ADAMTS3: variants seen among roughly 807,000 people sequenced by gnomAD.
The protein encoded by ADAMTS3 is A disintegrin and metalloproteinase with thrombospondin motifs 3.
In ADAMTS3, 73 loss-of-function variants were observed where a neutral mutation model predicts 129.0. That is an observed-to-expected ratio of 0.57 (90% CI 0.47 to 0.69). The LOEUF (loss-of-function observed/expected upper bound fraction) is 0.69, where lower values mean the gene tolerates loss of function less well. Ranked by LOEUF, ADAMTS3 falls within the 30% of genes least tolerant of loss-of-function variation. ADAMTS3 has a pLI of 0.00. For missense variants in ADAMTS3, 1,457 were observed against 1,514.5 expected, an observed-to-expected ratio of 0.96 and a Z score of 0.63; for synonymous variants, 477 against 510.8, an observed-to-expected ratio of 0.93 and a Z score of 0.89.
intron 3 of ADAMTS3, among the ~76,000 whole-genome samples, chr4:72,502,473 T>G (rs879020576): frequency 2.0e-5 from 3 of 152,166 alleles, no homozygotes; most frequent in Non-Finnish European, 4.4e-5. Flanking sequence ...CTTTGCCATT[T>G]TTTATTGTGC....
At chr4:72,299,080 T>C (rs1034872757) in intron 17 of ADAMTS3, among the ~76,000 whole-genome samples, 1 of 151,412 alleles carries the variant, frequency 6.6e-6, no homozygotes, top group East Asian at 1.9e-4. Flanking sequence ...TGTGTGTGTG[T>C]GTGTGTGTGT....
At chr4:72,328,301 A>G (rs899236006) in intron 5 of ADAMTS3, among the ~76,000 whole-genome samples, 6 of 152,230 alleles carry the variant, frequency 3.9e-5, no homozygotes, top group Admixed American at 2.6e-4. Context: ...CAAATCAAGT[A>G]TTCCTTTCCT....
chr4:72,470,361 T>TTATATATATATATATA lies in ADAMTS3; in HGVS notation c.505-55406_505-55391dup, dbSNP rs143241307. 8.7e-3 allele frequency among the ~76,000 whole-genome samples: 1,010 copies of TTATATATATATATATA among 116,232 alleles called. 5 individuals carry two copies. Among genetic ancestry groups the TTATATATATATATATA allele is most frequent in the Non-Finnish European group, 0.011 (622 of 55,070 alleles). The allele number at this position is 116,232 out of a possible 152,430, so 76.3% of individuals were successfully genotyped here. A position where few individuals can be genotyped will look rare whatever the true frequency, so the allele number is the denominator to read the frequency against. ...GTCATTTTCTGAAATTATTTTAAGTTTATATATATATATATACACACACAC... is the reference window on the plus strand; with the variant it reads ...GTCATTTTCTGAAATTATTTTAAGTTTATATATATATATATATATATATATATATATACACACACAC... On this transcript the variant is annotated intron_variant, in intron 3 of 21. Coordinates refer to ENST00000286657, the MANE Select transcript of ADAMTS3 (RefSeq NM_014243.3).
At chr4:72,541,277 C>G (rs1578779034) in intron 3 of ADAMTS3, among the ~76,000 whole-genome samples, 2 of 152,270 alleles carry the variant, frequency 1.3e-5, no homozygotes, top group Non-Finnish European at 2.9e-5. Context: ...CCTGTAGCCC[C>G]TTTGTTTTGG....
intron 4 of ADAMTS3, among the ~76,000 whole-genome samples, chr4:72,402,214 T>A (rs1309165804): frequency 6.6e-6 from 1 of 152,190 alleles, no homozygotes; most frequent in Non-Finnish European, 1.5e-5. Flanking sequence ...TCTTTGAATA[T>A]TCACATGAAG....
intron 3 of ADAMTS3, among the ~76,000 whole-genome samples, chr4:72,469,549 C>G (rs932303746): frequency 6.6e-6 from 1 of 152,130 alleles, no homozygotes; most frequent in African/African-American, 2.4e-5. Context: ...TTATTGCTAT[C>G]TAATCCCTCA....
chr4:72,362,385 C>T (rs961802931), intron 4 of ADAMTS3, among the ~76,000 whole-genome samples: 1 of 152,100 alleles, frequency 6.6e-6, no homozygotes, highest in African/African-American at 2.4e-5. Flanking sequence ...GGTGACTAGT[C>T]ATTTGTTTTC....
chr4:72,493,389 A>T (rs1719795761), intron 3 of ADAMTS3, among the ~76,000 whole-genome samples: 1 of 151,812 alleles, frequency 6.6e-6, no homozygotes, highest in Admixed American at 6.6e-5. Context: ...TGCCTATTAC[A>T]CGCTTTTTCT....
intron 4 of ADAMTS3, among the ~76,000 whole-genome samples, chr4:72,388,835 A>G (rs1298395299): frequency 6.6e-6 from 1 of 152,236 alleles, no homozygotes; most frequent in Non-Finnish European, 1.5e-5. Flanking sequence ...AAAGTCACAC[A>G]GGGTGAAGTT....
chr4:72,559,682 A>C (rs1420672711), intron 2 of ADAMTS3, among the ~76,000 whole-genome samples: 1 of 151,868 alleles, frequency 6.6e-6, no homozygotes, highest in Non-Finnish European at 1.5e-5. Context: ...CACTAATAAC[A>C]ATAGTTATGA....
At chr4:72,375,416 C>A (rs569910557) in intron 4 of ADAMTS3, among the ~76,000 whole-genome samples, 44 of 152,228 alleles carry the variant, frequency 2.9e-4, no homozygotes, top group African/African-American at 9.9e-4. Context: ...AGGCTCCTGG[C>A]CCTTCAAGAG....
chr4:72,371,687 A>G (rs528247786), intron 4 of ADAMTS3, among the ~76,000 whole-genome samples: 59 of 152,204 alleles, frequency 3.9e-4, no homozygotes, highest in African/African-American at 1.3e-3. Context: ...AGTTATAATT[A>G]TAGTTGAAGA....
chr4:72,530,082 T>TATATAATATGTTATATATAACATATTATA lies in ADAMTS3; in HGVS notation c.504+18395_504+18396insTATAATATGTTATATATAACATATTATAT, dbSNP rs1560553614. ...ATATGTTATATATAACATATTATAT[T>TATATAATATGTTATATATAACATATTATA]TATATATAATATGTTATATATAACA... On this transcript the variant is annotated intron_variant, in intron 3 of 21. Coordinates refer to ENST00000286657, the MANE Select transcript of ADAMTS3 (RefSeq NM_014243.3). 5.2e-3 allele frequency among the ~76,000 whole-genome samples: 9 copies of TATATAATATGTTATATATAACATATTATA among 1,736 alleles called. 1 individual carries two copies. Among genetic ancestry groups the TATATAATATGTTATATATAACATATTATA allele is most frequent in the Admixed American group, 0.016 (1 of 62 alleles). 1.1% of individuals were successfully genotyped at this position (1,736 alleles called of 152,430 possible).
intron 4 of ADAMTS3, among the ~76,000 whole-genome samples, chr4:72,346,891 A>G (rs1720300370): frequency 6.6e-6 from 1 of 152,114 alleles, no homozygotes; most frequent in Non-Finnish European, 1.5e-5. Flanking sequence ...CTTCAGCTCT[A>G]GCAGTGCACA....
At chr4:72,307,174 C>T (rs931608507) in intron 15 of ADAMTS3, among the ~76,000 whole-genome samples, 1 of 151,830 alleles carries the variant, frequency 6.6e-6, no homozygotes, top group African/African-American at 2.4e-5. Flanking sequence ...TAATATACAC[C>T]TATGAATAGA....
intron 3 of ADAMTS3, among the ~76,000 whole-genome samples, chr4:72,455,686 C>T (rs146038428): frequency 2.1e-3 from 309 of 146,398 alleles, no homozygotes; most frequent in African/African-American, 7.2e-3. Context: ...ACCTTTCTTC[C>T]GGATTTTTTG....
At chr4:72,288,918 G>C in intron 20 of ADAMTS3, 50 bp from the exon 21 acceptor site, 1 of 564,418 alleles carries the variant, frequency 1.8e-6, no homozygotes. Flanking sequence ...CCAAGACCAT[G>C]CACATACACA....
At chr4:72,368,715 C>A (rs564187245) in intron 4 of ADAMTS3, among the ~76,000 whole-genome samples, 2 of 152,200 alleles carry the variant, frequency 1.3e-5, no homozygotes, top group Admixed American at 6.5e-5. Context: ...TCAGAACAAG[C>A]CTAGAAACAC....
intron 4 of ADAMTS3, among the ~76,000 whole-genome samples, chr4:72,402,157 T>C (rs555703176): frequency 6.6e-6 from 1 of 152,316 alleles, no homozygotes; most frequent in East Asian, 1.9e-4. Context: ...TCCTCAGGAA[T>C]GGCCTCCTTT....
Sources: gnomAD v4.1 joint callset for allele counts (sites outside exome capture counted in the v4.1 genomes callset) on GRCh38, gnomAD v4.1.1 for gene constraint, MANE v1.5 for transcripts, NCBI Gene and HGNC (gene_info 2026-07-23, HGNC 2026-07-21) for gene names.